ZNF609: variants seen among roughly 807,000 people sequenced by gnomAD.
The protein encoded by ZNF609 is zinc finger protein 609.
In ZNF609, 11 loss-of-function variants were observed where a neutral mutation model predicts 109.5. The ratio of observed to expected loss-of-function variants is 0.10; its 90% CI spans 0.06 to 0.17. The LOEUF (loss-of-function observed/expected upper bound fraction) is 0.17. ZNF609 is among the 10% of genes least tolerant of loss of function. The pLI is 1.00. For synonymous variants in ZNF609, 646 were observed against 662.0 expected, an observed-to-expected ratio of 0.98 and a Z score of 0.37; for missense variants, 1,559 against 1,772.4, an observed-to-expected ratio of 0.88 and a Z score of 2.16.
chr15:64,505,633 T>C (rs1339040389), intron 2 of ZNF609, among the ~76,000 whole-genome samples: 1 of 152,048 alleles, frequency 6.6e-6, no homozygotes, highest in Non-Finnish European at 1.5e-5. Context: ...ATCACCAGAG[T>C]ATCAAAAATG....
intron 2 of ZNF609, among the ~76,000 whole-genome samples, chr15:64,552,506 C>T (rs745822698): frequency 1.3e-5 from 2 of 151,980 alleles, no homozygotes; most frequent in Non-Finnish European, 2.9e-5. Flanking sequence ...TACAGGCACG[C>T]ACCACGCCTG....
At chr15:64,487,561 A>G (rs1420383874) in intron 1 of ZNF609, among the ~76,000 whole-genome samples, 2 of 151,246 alleles carry the variant, frequency 1.3e-5, no homozygotes, top group Non-Finnish European at 1.5e-5. Flanking sequence ...CCTCTCCCCA[A>G]GCATGACCAC....
chr15:64,635,745 G>A lies in ZNF609; in HGVS notation c.973+12693G>A, dbSNP rs76656264. 4.3e-4 allele frequency among the ~76,000 whole-genome samples: 66 copies of A among 152,328 alleles called. No homozygotes were observed. In the East Asian group the frequency reaches 9.3e-3, roughly 21 times the overall value. ...TTGGCAACTAGCCTTTTCTCCCACA[G>A]CAGTAGTTTCAGACTAGTTCAAGCA... On this transcript the variant is annotated intron_variant, in intron 3 of 9. Transcript: ENST00000326648.
At chr15:64,549,284 G>A (rs1275246928) in intron 2 of ZNF609, among the ~76,000 whole-genome samples, 1 of 151,858 alleles carries the variant, frequency 6.6e-6, no homozygotes, top group African/African-American at 2.4e-5. Flanking sequence ...TCCGCCTCCC[G>A]GGTTCAAGCA....
intron 2 of ZNF609, among the ~76,000 whole-genome samples, chr15:64,601,229 G>A (rs760978256): frequency 1.5e-4 from 23 of 152,202 alleles, no homozygotes; most frequent in African/African-American, 4.8e-5. Context: ...AGTGATGGAC[G>A]ATGAGGCTGA....
intron 2 of ZNF609, among the ~76,000 whole-genome samples, chr15:64,524,783 C>T (rs982601434): frequency 1.3e-5 from 2 of 151,908 alleles, no homozygotes; most frequent in East Asian, 1.9e-4. Flanking sequence ...CATTCATATA[C>T]AAGTTTTTGT....
chr15:64,484,504 C>T (rs1179896410), intron 1 of ZNF609, among the ~76,000 whole-genome samples: 2 of 151,622 alleles, frequency 1.3e-5, no homozygotes, highest in African/African-American at 2.4e-5. Context: ...GGTGAAACCC[C>T]GTCTCTACTA....
At chr15:64,471,137 G>A (rs74823199) in intron 1 of ZNF609, among the ~76,000 whole-genome samples, 7 of 152,240 alleles carry the variant, frequency 4.6e-5, no homozygotes, top group Non-Finnish European at 7.3e-5. Context: ...CAAGGCTGGC[G>A]GATCAGTTGA....
In ZNF609 at chr15:64,683,457, C is replaced by G. The variant is rs2141022404; in HGVS notation, c.*1771C>G. ...ATCTACAGGCCTTTTCCCTAGGTTT[C>G]TGCCTCCTCGTTTTTGTTCAAGTTG... On this transcript the variant is annotated 3_prime_UTR_variant, in exon 10 of 10. Transcript: ENST00000326648. 6.5e-6 allele frequency: 1 copy of G among 152,970 alleles called. No homozygotes were observed. The highest frequency in any genetic ancestry group is 3.4e-3 in the Middle Eastern group (1 of 296). 9.5% of individuals were successfully genotyped at this position (152,970 alleles called of 1,614,324 possible). A position where few individuals can be genotyped will look rare whatever the true frequency, so the allele number is the denominator to read the frequency against.
intron 2 of ZNF609, among the ~76,000 whole-genome samples, chr15:64,543,266 T>TC (rs1894298979): frequency 6.7e-6 from 1 of 149,940 alleles, no homozygotes; most frequent in Non-Finnish European, 1.5e-5. Context: ...TTTTTTTTTT[T>TC]TTTTTTTTCT....
intron 4 of ZNF609, 50 bp downstream of exon 4, chr15:64,670,483 G>GT (rs1896709846): frequency 2.0e-6 from 3 of 1,469,164 alleles, no homozygotes; most frequent in Non-Finnish European, 2.9e-6. Flanking sequence ...CACACTAATT[G>GT]GTGATCCCTT....
intron 2 of ZNF609, among the ~76,000 whole-genome samples, chr15:64,536,573 G>A (rs1425679194): frequency 6.6e-6 from 1 of 151,944 alleles, no homozygotes; most frequent in African/African-American, 2.4e-5. Context: ...AGGGAGATGG[G>A]ACTTAATGAA....
chr15:64,509,309 G>A (rs1280966095), intron 2 of ZNF609, among the ~76,000 whole-genome samples: 1 of 152,192 alleles, frequency 6.6e-6, no homozygotes, highest in Admixed American at 6.5e-5. Flanking sequence ...AATGGAGGAA[G>A]TAAATAATAG....
At chr15:64,515,161 A>G (rs1245553234) in intron 2 of ZNF609, among the ~76,000 whole-genome samples, 2 of 152,150 alleles carry the variant, frequency 1.3e-5, no homozygotes, top group African/African-American at 2.4e-5. Flanking sequence ...TGGGTACAGC[A>G]TTGTATGTAT....
In ZNF609 at chr15:64,684,886, C is replaced by T. The variant is rs2083232180; in HGVS notation, c.*3200C>T. Reference sequence around the variant, plus strand: ...TTGTTTGTTTTAATTACTTGGGCATCCCAGGAAGCTTTCCAGTGATCTCCT... The same window carrying T: ...TTGTTTGTTTTAATTACTTGGGCATTCCAGGAAGCTTTCCAGTGATCTCCT... On this transcript the variant is annotated 3_prime_UTR_variant, in exon 10 of 10. Coordinates refer to ENST00000326648, the MANE Select transcript of ZNF609 (RefSeq NM_015042.2). The T allele has an allele frequency of 6.6e-6, 1 of 152,624 alleles. No individual in the cohort carries two copies. The highest frequency in any genetic ancestry group is 1.5e-5 in the Non-Finnish European group (1 of 68,060). The allele number at this position is 152,624 out of a possible 1,614,324, so 9.5% of individuals were successfully genotyped here. A position where few individuals can be genotyped will look rare whatever the true frequency, so the allele number is the denominator to read the frequency against.
chr15:64,570,149 T>G (rs923939984), intron 2 of ZNF609, among the ~76,000 whole-genome samples: 3 of 152,240 alleles, frequency 2.0e-5, no homozygotes, highest in Non-Finnish European at 4.4e-5. Flanking sequence ...CGTGAGCCAC[T>G]GTGCCTGACT....
chr15:64,476,580 A>G (rs1893173563), intron 1 of ZNF609, among the ~76,000 whole-genome samples: 2 of 152,208 alleles, frequency 1.3e-5, no homozygotes, highest in Admixed American at 1.3e-4. Context: ...CAATGTCTAC[A>G]GTTGTTCCAG....
At chr15:64,627,090 TGAGGCA>T (rs1419053392) in intron 3 of ZNF609, among the ~76,000 whole-genome samples, 5 of 151,714 alleles carry the variant, frequency 3.3e-5, no homozygotes, top group Non-Finnish European at 7.4e-5. Flanking sequence ...CTTGGGAGGC[TGAGGCA>T]GGGGAATCAC....
At chr15:64,639,467 T>A (rs1896223279) in intron 3 of ZNF609, among the ~76,000 whole-genome samples, 1 of 152,230 alleles carries the variant, frequency 6.6e-6, no homozygotes, top group Non-Finnish European at 1.5e-5. Flanking sequence ...TCTTTTCTTC[T>A]GCTCTTTGCT....
Sources: gnomAD v4.1 joint callset for allele counts (sites outside exome capture counted in the v4.1 genomes callset) on GRCh38, gnomAD v4.1.1 for gene constraint, MANE v1.5 for transcripts, NCBI Gene and HGNC (gene_info 2026-07-23, HGNC 2026-07-21) for gene names.